Variants in TIGD1 observed in about 807,000 individuals in gnomAD.
TIGD1 encodes the protein tigger transposable element derived 1.
A neutral mutation model predicts 21.3 loss-of-function variants in TIGD1; 20 were observed. The ratio of observed to expected loss-of-function variants is 0.94; its 90% CI spans 0.66 to 1.36. The LOEUF is 1.36. Ranked by LOEUF, TIGD1 falls within the 40% of genes most tolerant of loss-of-function variation. TIGD1 has a pLI of 0.00. For synonymous variants in TIGD1, 177 were observed against 123.2 expected (o/e 1.44, Z -2.89); for missense variants, 556 against 350.5 (o/e 1.59, Z -4.68).
Position 232,545,663 on chromosome 2 carries a change from C to G in TIGD1, c.*2444G>C, listed in dbSNP as rs1419819122. 6.2e-7 allele frequency: 1 copy of G among 1,614,144 alleles called. No homozygotes were observed. The highest frequency in any genetic ancestry group is 1.7e-5 in the Admixed American group (1 of 60,024). On this transcript the variant is annotated 3_prime_UTR_variant, in exon 1 of 1. Transcript: ENST00000408957. ...CCTCATGGCCCACTACAACCGGGTG[C>G]CGGCCCTGCCATTCCCTGGAGATCC...
At position 232,545,488 on chromosome 2, in the gene TIGD1, C is replaced by A; in HGVS notation, c.*2619G>T. On this transcript the variant is annotated 3_prime_UTR_variant, in exon 1 of 1. Coordinates refer to ENST00000408957, the MANE Select transcript of TIGD1 (RefSeq NM_145702.4). Reference sequence around the variant, plus strand: ...GGAAGCCCAAGGATGAGAACAGGACCCAGGGAAGACCTGGTGCCGCCGCTG... The same window carrying A: ...GGAAGCCCAAGGATGAGAACAGGACACAGGGAAGACCTGGTGCCGCCGCTG... 6.6e-7 allele frequency: 1 copy of A among 1,507,114 alleles called. No individual in the cohort carries two copies. Among genetic ancestry groups the A allele is most frequent in the Non-Finnish European group, 9.1e-7 (1 of 1,097,242 alleles). The allele number at this position is 1,507,114 out of a possible 1,614,324, so 93.4% of individuals were successfully genotyped here.
chr2:232,550,192 G>T lies in TIGD1; in HGVS notation c.-310C>A. ...GAGCACATGCTGTTGGAAAAATGGC[G>T]CTGATACAATTGCTGGACTCAGGGC... On this transcript the variant is annotated 5_prime_UTR_variant, in exon 1 of 1. Coordinates refer to ENST00000408957, the MANE Select transcript of TIGD1 (RefSeq NM_145702.4). 6.3e-6 allele frequency: 2 copies of T among 317,398 alleles called. No individual in the cohort carries two copies. The highest frequency in any genetic ancestry group is 6.0e-6 in the Non-Finnish European group (1 of 165,580). 19.7% of individuals were successfully genotyped at this position (317,398 alleles called of 1,614,324 possible).
In TIGD1 at chr2:232,549,249, A is replaced by G. The variant is rs1692214187; in HGVS notation, c.634T>C (p.Phe212Leu). 1 of 665,754 alleles carries G rather than the reference A, an allele frequency of 1.5e-6. No homozygotes were observed. The highest frequency in any genetic ancestry group is 1.8e-5 in the African/African-American group (1 of 56,442). The allele number at this position is 665,754 out of a possible 1,614,324, so 41.2% of individuals were successfully genotyped here. A position where few individuals can be genotyped will look rare whatever the true frequency, so the allele number is the denominator to read the frequency against. Residue 212 changes from phenylalanine to leucine, a missense_variant, in exon 1 of 1, where the codon TTC (phenylalanine) becomes CTC (leucine). Coordinates refer to ENST00000408957, the MANE Select transcript of TIGD1 (RefSeq NM_145702.4). ...GTCAGCCTGTCCTTTGAAGCTTTGA[A>G]GCCAGGCACTGACTTCTCCTCTCTA... ...IAREEKSVPG[F>L]KASKDRLTLL...
At position 232,550,406 on chromosome 2, in the gene TIGD1, C is replaced by T; in HGVS notation, c.-524G>A. On this transcript the variant is annotated 5_prime_UTR_variant, in exon 1 of 1. Coordinates refer to ENST00000408957, the MANE Select transcript of TIGD1 (RefSeq NM_145702.4). ...TACCAAGCAGCGAGTCCAGAGCCCG[C>T]GCCGTCAACGACGCGGTGCTGCCTT... 2.0e-6 allele frequency: 1 copy of T among 493,370 alleles called. No individual in the cohort carries two copies. The highest frequency in any genetic ancestry group is 3.7e-6 in the Non-Finnish European group (1 of 272,382). The allele number at this position is 493,370 out of a possible 1,614,324, so 30.6% of individuals were successfully genotyped here.
In TIGD1 at chr2:232,547,128, C is replaced by T. The variant is rs1419705640; in HGVS notation, c.*979G>A. On this transcript the variant is annotated 3_prime_UTR_variant, in exon 1 of 1. Transcript: ENST00000408957. ...GTGCAAAAAATAATCCATTCCTGGC[C>T]AGGTGTGGTGGCTCACACCTGCAAT... Among the ~76,000 whole-genome samples, 1 of 152,126 alleles carries T rather than the reference C, an allele frequency of 6.6e-6. No homozygotes were observed. The highest frequency in any genetic ancestry group is 1.5e-5 in the Non-Finnish European group (1 of 68,032).
chr2:232,544,492 G>A lies in TIGD1; in HGVS notation c.*3615C>T. 1.2e-6 allele frequency: 2 copies of A among 1,613,832 alleles called. No homozygotes were observed. Among genetic ancestry groups the A allele is most frequent in the Non-Finnish European group, 8.5e-7 (1 of 1,179,968 alleles). ...CGGGATGGTCGATCACAACTGGGGA[G>A]GAGGTGGCCCTCTGCCTGCCTCGCA... On this transcript the variant is annotated 3_prime_UTR_variant, in exon 1 of 1. Transcript: ENST00000408957.
chr2:232,545,433 G>A lies in TIGD1; in HGVS notation c.*2674C>T. 9.8e-7 allele frequency: 1 copy of A among 1,015,886 alleles called. No homozygotes were observed. Among genetic ancestry groups the A allele is most frequent in the Non-Finnish European group, 1.5e-6 (1 of 672,090 alleles). 62.9% of individuals were successfully genotyped at this position (1,015,886 alleles called of 1,614,324 possible). A position where few individuals can be genotyped will look rare whatever the true frequency, so the allele number is the denominator to read the frequency against. On this transcript the variant is annotated 3_prime_UTR_variant, in exon 1 of 1. Coordinates refer to ENST00000408957, the MANE Select transcript of TIGD1 (RefSeq NM_145702.4). The stretch of plus-strand genomic sequence containing the variant: ...TTGGGACCCGGACATAGGTAAGAAG[G>A]GCCCCAGGAAATGGAGACATGGGCC...
Position 232,544,271 on chromosome 2 carries a change from C to A in TIGD1, c.*3836G>T. On this transcript the variant is annotated 3_prime_UTR_variant, in exon 1 of 1. Coordinates refer to ENST00000408957, the MANE Select transcript of TIGD1 (RefSeq NM_145702.4). ...CCACGTCACTGCCCCGGTATGCTGCCTCCATGGTCCCTAGCAGCACAAGCC... is the reference window on the plus strand; with the variant it reads ...CCACGTCACTGCCCCGGTATGCTGCATCCATGGTCCCTAGCAGCACAAGCC... 2 of 938,292 alleles carry A rather than the reference C, an allele frequency of 2.1e-6. No individual in the cohort carries two copies. Among genetic ancestry groups the A allele is most frequent in the Non-Finnish European group, 3.5e-6 (2 of 574,946 alleles). The allele number at this position is 938,292 out of a possible 1,614,324, so 58.1% of individuals were successfully genotyped here.
chr2:232,544,409 C>A lies in TIGD1; in HGVS notation c.*3698G>T, dbSNP rs200263643. 5.0e-6 allele frequency: 8 copies of A among 1,613,562 alleles called. No individual in the cohort carries two copies. The highest frequency in any genetic ancestry group is 2.7e-5 in the African/African-American group (2 of 75,058). The stretch of plus-strand genomic sequence containing the variant: ...GCCCCAGCTGCTGAGGATGCACGTT[C>A]GCCCGCTGGCCCCGGCAGCTGTGCA... On this transcript the variant is annotated 3_prime_UTR_variant, in exon 1 of 1. Coordinates refer to ENST00000408957, the MANE Select transcript of TIGD1 (RefSeq NM_145702.4).
Position 232,545,877 on chromosome 2 carries a change from G to C in TIGD1, c.*2230C>G. The C allele has an allele frequency of 1.2e-6, 1 of 841,078 alleles. No individual in the cohort carries two copies. The highest frequency in any genetic ancestry group is 1.9e-6 in the Non-Finnish European group (1 of 514,470). 52.1% of individuals were successfully genotyped at this position (841,078 alleles called of 1,614,324 possible). A position where few individuals can be genotyped will look rare whatever the true frequency, so the allele number is the denominator to read the frequency against. On this transcript the variant is annotated 3_prime_UTR_variant, in exon 1 of 1. Coordinates refer to ENST00000408957, the MANE Select transcript of TIGD1 (RefSeq NM_145702.4). ...CTGAGAAAAGCTGGGGAAACAGTCTGAGCTGGAGTCCGAGAGTGGTTGGGG... is the reference window on the plus strand; with the variant it reads ...CTGAGAAAAGCTGGGGAAACAGTCTCAGCTGGAGTCCGAGAGTGGTTGGGG...
At position 232,544,571 on chromosome 2, in the gene TIGD1, G is replaced by A. The variant is rs1459665788; in HGVS notation, c.*3536C>T. The stretch of plus-strand genomic sequence containing the variant: ...GCAAGGGCTGGTGGCGGCAGCGCTG[G>A]AGAAGCTAGGTGAGACACACCAGGT... On this transcript the variant is annotated 3_prime_UTR_variant, in exon 1 of 1. Transcript: ENST00000408957. The A allele has an allele frequency of 6.2e-7, 1 of 1,612,912 alleles. No individual in the cohort carries two copies. The highest frequency in any genetic ancestry group is 1.3e-5 in the African/African-American group (1 of 74,930).
rs1240333477 is a variant in TIGD1, at chr2:232,548,478, ACTTT to A, written c.1401_1404del (p.Arg467SerfsTer15). 2 of 670,076 alleles carry A rather than the reference ACTTT, an allele frequency of 3.0e-6. No homozygotes were observed. Among genetic ancestry groups the A allele is most frequent in the African/African-American group, 1.8e-5 (1 of 56,428 alleles). 41.5% of individuals were successfully genotyped at this position (670,076 alleles called of 1,614,324 possible). A position where few individuals can be genotyped will look rare whatever the true frequency, so the allele number is the denominator to read the frequency against. ...GGTGTAGATTCCATCTCAAGAAACC[ACTTT>A]CTTTGCGCATCCATAAGAAACAACT... On this transcript the variant is annotated frameshift_variant, in exon 1 of 1. Coordinates refer to ENST00000408957, the MANE Select transcript of TIGD1 (RefSeq NM_145702.4). LOFTEE classifies it high-confidence loss of function.
chr2:232,546,442 G>A lies in TIGD1; in HGVS notation c.*1665C>T, dbSNP rs1406169070. 1 of 152,920 alleles carries A rather than the reference G, an allele frequency of 6.5e-6. No individual in the cohort carries two copies. Among genetic ancestry groups the A allele is most frequent in the Non-Finnish European group, 1.5e-5 (1 of 68,894 alleles). The allele number at this position is 152,920 out of a possible 1,614,324, so 9.5% of individuals were successfully genotyped here. On this transcript the variant is annotated 3_prime_UTR_variant, in exon 1 of 1. Transcript: ENST00000408957. ...GGCTCACTGCAGCCTCAACCTCCAG[G>A]GCTCAAGCAATGCTCCTGCCTCAGC... is the stretch of plus-strand genomic sequence containing the variant.
At position 232,545,614 on chromosome 2, in the gene TIGD1, C is replaced by T; in HGVS notation, c.*2493G>A. 4.3e-6 allele frequency: 7 copies of T among 1,614,160 alleles called. No individual in the cohort carries two copies. Among genetic ancestry groups the T allele is most frequent in the Non-Finnish European group, 5.9e-6 (7 of 1,180,022 alleles). On this transcript the variant is annotated 3_prime_UTR_variant, in exon 1 of 1. Coordinates refer to ENST00000408957, the MANE Select transcript of TIGD1 (RefSeq NM_145702.4). ...GCTTCCTGGCCATGCTCTCGCTCTTCATCTGTGGCACAGCTGGCATCTTCC... is the reference window on the plus strand; with the variant it reads ...GCTTCCTGGCCATGCTCTCGCTCTTTATCTGTGGCACAGCTGGCATCTTCC...
rs1692242714 is a variant in TIGD1 at position 232,549,915 on chromosome 2, T to C, written c.-33A>G. Reference sequence around the variant, plus strand: ...TCATTAATTCGCCTAATCTCAATATTGTTGTGTCTCAGGGAATAGGGAGGC... The same window carrying C: ...TCATTAATTCGCCTAATCTCAATATCGTTGTGTCTCAGGGAATAGGGAGGC... On this transcript the variant is annotated 5_prime_UTR_variant, in exon 1 of 1. Transcript: ENST00000408957. 1 of 1,209,528 alleles carries C rather than the reference T, an allele frequency of 8.3e-7. No individual in the cohort carries two copies. Among genetic ancestry groups the C allele is most frequent in the South Asian group, 1.6e-5 (1 of 62,674 alleles). The allele number at this position is 1,209,528 out of a possible 1,614,324, so 74.9% of individuals were successfully genotyped here.
At position 232,545,850 on chromosome 2, in the gene TIGD1, C is replaced by A; in HGVS notation, c.*2257G>T. 9.6e-7 allele frequency: 1 copy of A among 1,037,102 alleles called. No homozygotes were observed. Among genetic ancestry groups the A allele is most frequent in the Non-Finnish European group, 1.5e-6 (1 of 681,804 alleles). The allele number at this position is 1,037,102 out of a possible 1,614,324, so 64.2% of individuals were successfully genotyped here. A position where few individuals can be genotyped will look rare whatever the true frequency, so the allele number is the denominator to read the frequency against. On this transcript the variant is annotated 3_prime_UTR_variant, in exon 1 of 1. Coordinates refer to ENST00000408957, the MANE Select transcript of TIGD1 (RefSeq NM_145702.4). ...CTTCAGGACTGTGTGAGCCAAACAG[C>A]CCTGAGAAAAGCTGGGGAAACAGTC...
chr2:232,547,983 CCAATG>C lies in TIGD1; in HGVS notation c.*119_*123del. On this transcript the variant is annotated 3_prime_UTR_variant, in exon 1 of 1. Coordinates refer to ENST00000408957, the MANE Select transcript of TIGD1 (RefSeq NM_145702.4). Reference sequence around the variant, plus strand: ...AAGTCACATGAATGTTTTTGGTTTCCCAATGCATATAAAAGTTATGTTTACACTAT... The same window carrying C: ...AAGTCACATGAATGTTTTTGGTTTCCCATATAAAAGTTATGTTTACACTAT... 1 of 444,122 alleles carries C rather than the reference CCAATG, an allele frequency of 2.3e-6. No homozygotes were observed. 27.5% of individuals were successfully genotyped at this position (444,122 alleles called of 1,614,324 possible). A position where few individuals can be genotyped will look rare whatever the true frequency, so the allele number is the denominator to read the frequency against.
At position 232,549,124 on chromosome 2, in the gene TIGD1, A is replaced by T; in HGVS notation, c.759T>A (p.Ser253=). Residue 253 remains serine (S), a synonymous_variant, in exon 1 of 1, where the codon TCT becomes TCA. Transcript: ENST00000408957. The part of the protein sequence containing the change: ...NPRALKNYTK[S]TLPVLYKWNS... ...TCCATTTATATAGCACGGGTAGAGT[A>T]GATTTAGTATAATTCTTAAGGGCCC... 1.4e-6 allele frequency: 1 copy of T among 715,984 alleles called. No homozygotes were observed. The highest frequency in any genetic ancestry group is 2.0e-5 in the Admixed American group (1 of 49,932). The allele number at this position is 715,984 out of a possible 1,614,324, so 44.4% of individuals were successfully genotyped here.
In TIGD1 at chr2:232,547,017, G is replaced by A. The variant is rs944994039; in HGVS notation, c.*1090C>T. ...AAGGTCCTGCTCTGAGATTACAGCCGGCACACGAGTTTGGCTGGTAACCAG... is the reference window on the plus strand; with the variant it reads ...AAGGTCCTGCTCTGAGATTACAGCCAGCACACGAGTTTGGCTGGTAACCAG... On this transcript the variant is annotated 3_prime_UTR_variant, in exon 1 of 1. Coordinates refer to ENST00000408957, the MANE Select transcript of TIGD1 (RefSeq NM_145702.4). Among the ~76,000 whole-genome samples, 2 of 152,132 alleles carry A rather than the reference G, an allele frequency of 1.3e-5. No homozygotes were observed. The highest frequency in any genetic ancestry group is 6.5e-5 in the Admixed American group (1 of 15,284).
Sources: gnomAD v4.1 joint callset for allele counts (sites outside exome capture counted in the v4.1 genomes callset) on GRCh38, gnomAD v4.1.1 for gene constraint, MANE v1.5 for transcripts, NCBI Gene and HGNC (gene_info 2026-07-23, HGNC 2026-07-21) for gene names.